Variants in SLIT3 observed in about 807,000 individuals in gnomAD.
SLIT3 encodes slit guidance ligand 3.
In SLIT3, 68 loss-of-function variants were observed where a neutral mutation model predicts 184.0. That is an observed-to-expected ratio of 0.37 (90% CI 0.30 to 0.45). The LOEUF is 0.45. Among genes scored for constraint, SLIT3 ranks in the 20% least tolerant of loss-of-function variants. The pLI is 1.00. For missense variants in SLIT3, 1,707 were observed against 2,026.0 expected, an observed-to-expected ratio of 0.84 and a Z score of 3.02; for synonymous variants, 831 against 828.6, an observed-to-expected ratio of 1.00 and a Z score of -0.05.
chr5:169,136,144 G>A (rs560884512), intron 4 of SLIT3, among the ~76,000 whole-genome samples: 2 of 152,286 alleles, frequency 1.3e-5, no homozygotes, highest in Admixed American at 6.5e-5. Context: ...ACAGTCAGAA[G>A]CCAGCTTGAG....
At chr5:168,824,795 C>T (rs1939600927) in intron 6 of SLIT3, among the ~76,000 whole-genome samples, 1 of 152,244 alleles carries the variant, frequency 6.6e-6, no homozygotes, top group Non-Finnish European at 1.5e-5. Context: ...TCCTCTTACC[C>T]TCTCCTGAGC....
chr5:169,217,579 G>A (rs1764482112), intron 3 of SLIT3, among the ~76,000 whole-genome samples: 1 of 152,158 alleles, frequency 6.6e-6, no homozygotes, highest in Non-Finnish European at 1.5e-5. Context: ...GGGGTTCCTG[G>A]GGGCCCTTGG....
intron 4 of SLIT3, among the ~76,000 whole-genome samples, chr5:169,060,525 G>A (rs1389432111): frequency 6.6e-6 from 1 of 152,186 alleles, no homozygotes; most frequent in Non-Finnish European, 1.5e-5. Flanking sequence ...ACAGCACTGT[G>A]GGCATGTGAG....
chr5:169,271,329 C>T (rs961176499), intron 1 of SLIT3, among the ~76,000 whole-genome samples: 1 of 152,192 alleles, frequency 6.6e-6, no homozygotes. Context: ...CAGCTCACGG[C>T]CCCTTCTCAG....
intron 4 of SLIT3, among the ~76,000 whole-genome samples, chr5:168,905,179 A>C (rs987280430): frequency 8.6e-6 from 1 of 115,776 alleles, no homozygotes; most frequent in African/African-American, 2.9e-5. Flanking sequence ...CCATCTCCAA[A>C]AAAAAGAAAA....
intron 3 of SLIT3, among the ~76,000 whole-genome samples, chr5:169,197,221 G>A (rs183825202): frequency 1.3e-5 from 2 of 152,278 alleles, no homozygotes; most frequent in Admixed American, 1.3e-4. Context: ...CCCTGAATGA[G>A]GATTCTGGGA....
intron 4 of SLIT3, among the ~76,000 whole-genome samples, chr5:168,947,496 A>G (rs965309832): frequency 6.6e-6 from 1 of 152,114 alleles, no homozygotes; most frequent in Non-Finnish European, 1.5e-5. Context: ...CCCAAAAAGG[A>G]GGCATAGGAA....
chr5:169,201,893 G>A (rs1350876580), intron 3 of SLIT3, among the ~76,000 whole-genome samples: 1 of 152,170 alleles, frequency 6.6e-6, no homozygotes, highest in Non-Finnish European at 1.5e-5. Context: ...ATTTTGTTGA[G>A]GACTATCTTA....
chr5:169,185,776 C>G (rs1263584799), intron 4 of SLIT3, among the ~76,000 whole-genome samples: 1 of 152,160 alleles, frequency 6.6e-6, no homozygotes, highest in Non-Finnish European at 1.5e-5. Context: ...GATAAGGGAG[C>G]TAGCATTTAC....
chr5:169,268,797 AG>A (rs1283864123), intron 1 of SLIT3, among the ~76,000 whole-genome samples: 1 of 152,226 alleles, frequency 6.6e-6, no homozygotes, highest in Non-Finnish European at 1.5e-5. Context: ...TTTTTTAAAA[AG>A]TTGTACTGCT....
rs879125396 is a variant in SLIT3 at position 168,666,822 on chromosome 5, TA to T, written c.4337-134del. 4 of 1,406,200 alleles carry T rather than the reference TA, an allele frequency of 2.8e-6. No homozygotes were observed. The South Asian group carries it at 3.7e-5, about 13-fold the overall frequency. 87.1% of individuals were successfully genotyped at this position (1,406,200 alleles called of 1,614,324 possible). ...GAATTTATTCACTCATCCATCTGCC[TA>T]CCCTCCCCTCCATCCACCCATCTAT... On this transcript the variant is annotated intron_variant, in intron 35 of 35. Transcript: ENST00000519560.
At chr5:168,761,938 G>A (rs1009133199) in intron 15 of SLIT3, among the ~76,000 whole-genome samples, 1 of 51,146 alleles carries the variant, frequency 2.0e-5, no homozygotes, top group Non-Finnish European at 4.3e-5. Flanking sequence ...TTTTTTTTTT[G>A]TAGAGACTGG....
chr5:168,763,295 G>A (rs1017847678), intron 14 of SLIT3, among the ~76,000 whole-genome samples: 2 of 152,146 alleles, frequency 1.3e-5, no homozygotes, highest in South Asian at 4.1e-4. Flanking sequence ...AAGACAACGA[G>A]GGTTGGGAAC....
intron 4 of SLIT3, among the ~76,000 whole-genome samples, chr5:168,969,723 T>G (rs933491717): frequency 1.3e-5 from 2 of 152,226 alleles, no homozygotes; most frequent in African/African-American, 4.8e-5. Context: ...AGGTGCAGTT[T>G]CCATGAACTT....
chr5:168,762,582 G>C lies in SLIT3; in HGVS notation c.1567C>G (p.Leu523Val). Reference protein sequence around the residue: ...GTIVDCSNQKLVRIPSHLPEY... With the variant: ...GTIVDCSNQKVVRIPSHLPEY... ...GGGAGGTGGCTTGGGATGCGGACCAGCTTCTGGTTGGAGCAGTCCACAATC... is the reference window on the plus strand; with the variant it reads ...GGGAGGTGGCTTGGGATGCGGACCACCTTCTGGTTGGAGCAGTCCACAATC... The change falls in exon 15 of 36, where the codon CTG becomes GTG. Residue 523 changes from leucine (L) to valine (V), a missense_variant. Leu to Val is a conservative substitution (Grantham distance 32). Around this residue, in one of 3 missense-constraint regions of SLIT3, gnomAD observed 1,307 missense variants for 1,511.6 expected, o/e 0.86. Coordinates refer to ENST00000519560, the MANE Select transcript of SLIT3 (RefSeq NM_003062.4). The C allele has an allele frequency of 6.2e-7, 1 of 1,614,118 alleles. No individual in the cohort carries two copies. Among genetic ancestry groups the C allele is most frequent in the African/African-American group, 1.3e-5 (1 of 75,020 alleles).
intron 4 of SLIT3, among the ~76,000 whole-genome samples, chr5:169,161,229 G>A (rs1762466999): frequency 6.6e-6 from 1 of 152,200 alleles, no homozygotes; most frequent in Non-Finnish European, 1.5e-5. Flanking sequence ...GGTCCCAGGG[G>A]ATTTGTGGTC....
intron 4 of SLIT3, among the ~76,000 whole-genome samples, chr5:169,175,416 G>A (rs769668827): frequency 6.6e-6 from 1 of 152,062 alleles, no homozygotes; most frequent in African/African-American, 2.4e-5. Context: ...GGTTATCAGC[G>A]CCACCATCTA....
At chr5:168,732,275 C>A (rs1581016024) in intron 20 of SLIT3, among the ~76,000 whole-genome samples, 1 of 151,894 alleles carries the variant, frequency 6.6e-6, no homozygotes, top group African/African-American at 2.4e-5. Context: ...AGATGTCTAT[C>A]AGGAGAACTA....
chr5:169,204,005 G>A (rs775872314), intron 3 of SLIT3, among the ~76,000 whole-genome samples: 22 of 152,130 alleles, frequency 1.4e-4, no homozygotes, highest in Non-Finnish European at 2.6e-4. Context: ...AGATGTAGGT[G>A]GTAATTTAAA....
Sources: allele counts gnomAD v4.1 joint callset (sites outside exome capture counted in the v4.1 genomes callset), GRCh38; gene constraint gnomAD v4.1.1; regional missense constraint gnomAD v4.1.1; transcripts MANE v1.5; gene names NCBI Gene and HGNC (gene_info 2026-07-23, HGNC 2026-07-21).